The following PSD2 variants were observed in gnomAD, a reference collection of about 807,000 sequenced individuals.
The protein encoded by PSD2 is PH and SEC7 domain-containing protein 2.
Under a neutral mutation model 69.8 loss-of-function variants are expected in PSD2, and 38 were observed. That is an observed-to-expected ratio of 0.54 (90% CI 0.42 to 0.71). PSD2 has a LOEUF of 0.71. Ranked by LOEUF, PSD2 falls within the 30% of genes least tolerant of loss-of-function variation. PSD2 has a pLI of 0.00. For missense variants in PSD2, 943 were observed against 1,014.5 expected (o/e 0.93, Z 0.96); for synonymous variants, 412 against 423.0 (o/e 0.97, Z 0.32).
At chr5:139,750,596 G>T in the PSD2 span, among the ~76,000 whole-genome samples, 5 of 152,172 alleles carry the variant, frequency 3.3e-5, no homozygotes, top group African/African-American at 7.2e-5. Flanking sequence ...CAGGGTGAAG[G>T]TTCAGCACAA....
At chr5:139,804,857 C>CTG (rs1198096391) in intron 1 of PSD2, among the ~76,000 whole-genome samples, 1 of 151,950 alleles carries the variant, frequency 6.6e-6, no homozygotes, top group Non-Finnish European at 1.5e-5. Context: ...CCAGTTCCCT[C>CTG]TGTGTGTGTG....
the PSD2 span, among the ~76,000 whole-genome samples, chr5:139,766,924 CCTTCCCTTCTTT>C: frequency 0.049 from 1,615 of 33,090 alleles, 100 homozygotes; most frequent in South Asian, 0.087. Flanking sequence ...TTCCTTCCTT[CCTTCCCTTCTTT>C]CTTTCTTTCT....
intron 4 of PSD2, 74 bp from the exon 5 acceptor site, chr5:139,817,401 TGGGCCC>T (rs1223495561): frequency 7.5e-7 from 1 of 1,324,934 alleles, no homozygotes; most frequent in Non-Finnish European, 1.1e-6. Flanking sequence ...CCGGGTACCC[TGGGCCC>T]AAGTAATGCC....
chr5:139,777,701 T>A, the PSD2 span, among the ~76,000 whole-genome samples: 13,012 of 152,038 alleles, frequency 0.086, 612 homozygotes, highest in African/African-American at 0.098. Context: ...CTGTGCAACA[T>A]GGCCAGACCT....
chr5:139,836,178 G>T lies in PSD2; in HGVS notation c.1403+412G>T, dbSNP rs572758229. On this transcript the variant is annotated intron_variant, in intron 9 of 14. Coordinates refer to ENST00000274710, the MANE Select transcript of PSD2 (RefSeq NM_032289.4). ...TGTTATTGACAGTGGGAAGGGGAGAGTGCCCTCTAACTTCTTCCCCTGCAA... is the reference window on the plus strand; with the variant it reads ...TGTTATTGACAGTGGGAAGGGGAGATTGCCCTCTAACTTCTTCCCCTGCAA... Among the ~76,000 whole-genome samples the T allele has an allele frequency of 3.9e-5, 6 of 152,348 alleles. No homozygotes were observed. In the South Asian group the frequency reaches 1.2e-3, roughly 32 times the overall value.
At chr5:139,833,350 C>T (rs1285197745) in intron 7 of PSD2, among the ~76,000 whole-genome samples, 2 of 152,084 alleles carry the variant, frequency 1.3e-5, no homozygotes, top group Admixed American at 6.6e-5. Context: ...AAAACAGGCA[C>T]CTCACCTCCT....
chr5:139,765,292 C>T, the PSD2 span, among the ~76,000 whole-genome samples: 3 of 152,100 alleles, frequency 2.0e-5, no homozygotes, highest in Non-Finnish European at 1.5e-5. Flanking sequence ...ACTCAGGGCC[C>T]CCGTTACCAC....
At chr5:139,829,663 G>A (rs371488138) in intron 7 of PSD2, among the ~76,000 whole-genome samples, 2 of 152,216 alleles carry the variant, frequency 1.3e-5, no homozygotes, top group East Asian at 3.8e-4. Context: ...GCATGTATTA[G>A]TAGTTCATTT....
Position 139,813,555 on chromosome 5 carries a change from G to A in PSD2, c.618G>A (p.Glu206=). ...AGLGIGDMAF[E]GDMGAAGGDG... is the part of the protein sequence containing the mutation. ...TGGGCATTGGGGACATGGCGTTTGA[G>A]GGGGACATGGGGGCAGCTGGTGGTG... Residue 206 remains glutamate, a synonymous_variant, in exon 3 of 15, where the codon GAG becomes GAA. Coordinates refer to ENST00000274710, the MANE Select transcript of PSD2 (RefSeq NM_032289.4). 6.2e-7 allele frequency: 1 copy of A among 1,611,184 alleles called. No individual in the cohort carries two copies. The highest frequency in any genetic ancestry group is 8.5e-7 in the Non-Finnish European group (1 of 1,177,682).
At chr5:139,825,859 G>T (rs1022350736) in intron 7 of PSD2, among the ~76,000 whole-genome samples, 3 of 152,154 alleles carry the variant, frequency 2.0e-5, no homozygotes, top group Non-Finnish European at 2.9e-5. Context: ...AAAGCTATGG[G>T]ACTGGCTGAT....
intron 1 of PSD2, among the ~76,000 whole-genome samples, chr5:139,796,176 G>A (rs942473076): frequency 1.4e-4 from 22 of 152,198 alleles, no homozygotes; most frequent in Non-Finnish European, 3.1e-4. Context: ...TTGTCATGGA[G>A]ATGGGGCCGA....
Position 139,834,650 on chromosome 5 carries a change from G to A in PSD2, c.1359+859G>A, listed in dbSNP as rs76960226. Reference sequence around the variant, plus strand: ...TGAAGAATCTGATGATACTACAGGCGTAGTTGAATAATGAGTTCGGAGGTC... The same window carrying A: ...TGAAGAATCTGATGATACTACAGGCATAGTTGAATAATGAGTTCGGAGGTC... On this transcript the variant is annotated intron_variant, in intron 8 of 14. Transcript: ENST00000274710. Among the ~76,000 whole-genome samples the A allele has an allele frequency of 5.0e-3, 757 of 152,074 alleles. 3 individuals are homozygous for A. Among genetic ancestry groups the A allele is most frequent in the African/African-American group, 0.017 (709 of 41,476 alleles).
upstream of PSD2, among the ~76,000 whole-genome samples, chr5:139,795,231 C>G (rs929978291): frequency 2.0e-5 from 3 of 152,148 alleles, no homozygotes; most frequent in African/African-American, 4.8e-5. This position sits in a 1 kb window ranked among gnomAD's most constrained non-coding sequence, Gnocchi z 4.5. Context: ...GTCTCCGTCC[C>G]GTCCCGTGTG....
chr5:139,838,253 A>G (rs1439681670), intron 12 of PSD2, among the ~76,000 whole-genome samples: 1 of 152,218 alleles, frequency 6.6e-6, no homozygotes, highest in Non-Finnish European at 1.5e-5. Context: ...TCAGGATCAC[A>G]GTGCCAGTGC....
chr5:139,746,496 G>A, the PSD2 span, among the ~76,000 whole-genome samples: 1 of 152,224 alleles, frequency 6.6e-6, no homozygotes, highest in East Asian at 1.9e-4. The surrounding 1 kb of genome is among the most constrained non-coding windows in gnomAD (Gnocchi z 4.5). Flanking sequence ...GCTGGGACAG[G>A]CGGGGGCGAG....
intron 7 of PSD2, among the ~76,000 whole-genome samples, chr5:139,829,749 G>A (rs140618132): frequency 1.3e-5 from 2 of 152,208 alleles, no homozygotes; most frequent in Admixed American, 6.5e-5. Flanking sequence ...TGGATATTTG[G>A]GTCGTTTCCA....
chr5:139,823,375 C>T (rs1760323357), intron 7 of PSD2, among the ~76,000 whole-genome samples: 1 of 152,180 alleles, frequency 6.6e-6, no homozygotes, highest in Non-Finnish European at 1.5e-5. Context: ...CCATGTTGCC[C>T]TTCTGTGTCC....
Position 139,837,920 on chromosome 5 carries a change from C to A in PSD2, c.1823+138C>A. On this transcript the variant is annotated intron_variant, in intron 12 of 14. Transcript: ENST00000274710. This position sits in a 1 kb window ranked among gnomAD's most constrained non-coding sequence, Gnocchi z 5.0. The stretch of plus-strand genomic sequence containing the variant: ...ACACAGACCGACAGCTGGGTCCCTC[C>A]AAAGCAGTGGTTCCCAATGTGTGGT... 2 of 821,782 alleles carry A rather than the reference C, an allele frequency of 2.4e-6. No individual in the cohort carries two copies. The highest frequency in any genetic ancestry group is 1.8e-5 in the South Asian group (1 of 54,676). 50.9% of individuals were successfully genotyped at this position (821,782 alleles called of 1,614,324 possible). A position where few individuals can be genotyped will look rare whatever the true frequency, so the allele number is the denominator to read the frequency against.
the PSD2 span, among the ~76,000 whole-genome samples, chr5:139,774,348 C>G: frequency 6.6e-6 from 1 of 152,214 alleles, no homozygotes; most frequent in African/African-American, 2.4e-5. Context: ...AGTAAGTGCA[C>G]AGGACCTGAA....
Sources: gnomAD v4.1 joint callset for allele counts (sites outside exome capture counted in the v4.1 genomes callset) on GRCh38, gnomAD v4.1.1 for gene constraint, Gnocchi (gnomAD v3.1) non-coding constraint, MANE v1.5 for transcripts, NCBI Gene and HGNC (gene_info 2026-07-23, HGNC 2026-07-21) for gene names.